NIBAN1: variants seen among roughly 807,000 people sequenced by gnomAD.
The protein encoded by NIBAN1 is niban apoptosis regulator 1, also known as protein Niban 1.
A neutral mutation model predicts 75.1 loss-of-function variants in NIBAN1; 81 were observed. The ratio of observed to expected loss-of-function variants is 1.08; its 90% CI spans 0.90 to 1.30. The LOEUF (loss-of-function observed/expected upper bound fraction) is 1.30, where lower values mean the gene tolerates loss of function less well. NIBAN1 is among the 50% of genes most tolerant of loss of function. The pLI, the probability that NIBAN1 is intolerant of heterozygous loss-of-function variation, is 0.00. For missense variants in NIBAN1, 1,133 were observed against 1,128.1 expected (o/e 1.00, Z -0.06); for synonymous variants, 436 against 424.8 (o/e 1.03, Z -0.32).
At position 184,793,671 on chromosome 1, in the gene NIBAN1, C is replaced by G. The variant is rs1356600801; in HGVS notation, c.*1306G>C. 1 of 152,208 alleles carries G rather than the reference C, an allele frequency of 6.6e-6. No homozygotes were observed. The highest frequency in any genetic ancestry group is 6.5e-5 in the Admixed American group (1 of 15,278). The allele number at this position is 152,208 out of a possible 1,614,324, so 9.4% of individuals were successfully genotyped here. On this transcript the variant is annotated 3_prime_UTR_variant, in exon 14 of 14. Transcript: ENST00000367511. The stretch of plus-strand genomic sequence containing the variant: ...TTTTCTGAAGGAGAAAAGAACAACT[C>G]CTTTTAATCTTTTGGAAGCAAGTCT...
At chr1:184,958,618 G>A (rs1309548270) in intron 1 of NIBAN1, among the ~76,000 whole-genome samples, 5 of 152,110 alleles carry the variant, frequency 3.3e-5, no homozygotes, top group African/African-American at 9.7e-5. Flanking sequence ...TTTCGTCTAA[G>A]ATATTTACTT....
intron 1 of NIBAN1, among the ~76,000 whole-genome samples, chr1:184,969,509 G>A (rs1658880549): frequency 6.6e-6 from 1 of 152,100 alleles, no homozygotes; most frequent in African/African-American, 2.4e-5. Flanking sequence ...TCGCCTAGAA[G>A]CAGGTGGCAA....
At chr1:184,835,297 T>G (rs1655108482) in intron 5 of NIBAN1, among the ~76,000 whole-genome samples, 1 of 152,242 alleles carries the variant, frequency 6.6e-6, no homozygotes, top group Non-Finnish European at 1.5e-5. Context: ...GCTTTGTTCT[T>G]TTTGCTTAGG....
At chr1:184,947,934 C>T (rs1314826924) in intron 1 of NIBAN1, among the ~76,000 whole-genome samples, 1 of 152,104 alleles carries the variant, frequency 6.6e-6, no homozygotes, top group Non-Finnish European at 1.5e-5. Context: ...TTTAAATTCC[C>T]TTCCAAAAGA....
At chr1:184,854,012 T>G (rs1655612497) in intron 5 of NIBAN1, among the ~76,000 whole-genome samples, 1 of 152,244 alleles carries the variant, frequency 6.6e-6, no homozygotes, top group Admixed American at 6.5e-5. Context: ...ATGATAATGT[T>G]TTATTTAACC....
intron 2 of NIBAN1, among the ~76,000 whole-genome samples, chr1:184,896,933 T>G (rs576453361): frequency 7.6e-4 from 115 of 152,278 alleles, no homozygotes; most frequent in African/African-American, 2.7e-3. Context: ...CCATGCTGAT[T>G]TAGTTAGTAT....
chr1:184,862,555 T>C (rs1364231503), intron 5 of NIBAN1, among the ~76,000 whole-genome samples: 1 of 152,158 alleles, frequency 6.6e-6, no homozygotes, highest in African/African-American at 2.4e-5. Flanking sequence ...AATGAACACA[T>C]TTTTTAGCAA....
chr1:184,811,622 G>T (rs1235351322), intron 9 of NIBAN1, among the ~76,000 whole-genome samples: 1 of 149,452 alleles, frequency 6.7e-6, no homozygotes, highest in Non-Finnish European at 1.5e-5. Context: ...TCTTGCCTCA[G>T]CTGGGACTAC....
Position 184,795,221 on chromosome 1 carries a change from G to A in NIBAN1, c.2543C>T (p.Ser848Phe). The change falls in exon 14 of 14, where the codon TCT (serine) becomes TTT (phenylalanine). Residue 848 changes from serine (S) to phenylalanine (F), a missense_variant. Physicochemically the swap from Ser to Phe is radical, Grantham distance 155 (BLOSUM62 -2). Transcript: ENST00000367511. ...GCTCTCACTGAGGCAGATGGGGTCA[G>A]AACCTAAGGTGCAGCCCTCTTGCTG... ...ASQQEGCTLGSDPICLSESQV... is the reference protein window; with the variant it reads ...ASQQEGCTLGFDPICLSESQV... The A allele has an allele frequency of 6.2e-7, 1 of 1,614,026 alleles. No individual in the cohort carries two copies. The highest frequency in any genetic ancestry group is 1.3e-5 in the African/African-American group (1 of 75,070).
At chr1:184,961,057 CTTTTTTTTTTTTTTTTTTTTT>C (rs1168955438) in intron 1 of NIBAN1, among the ~76,000 whole-genome samples, 3 of 57,810 alleles carry the variant, frequency 5.2e-5, no homozygotes, top group Non-Finnish European at 9.4e-5. Context: ...ATATGCCGTT[CTTTTTTTTTTTTTTTTTTTTT>C]TTTTTTTTCA....
At chr1:184,960,962 A>T (rs1023744220) in intron 1 of NIBAN1, among the ~76,000 whole-genome samples, 2 of 147,368 alleles carry the variant, frequency 1.4e-5, no homozygotes, top group Non-Finnish European at 3.0e-5. Context: ...ATCCCCTCCC[A>T]TCAAACCTCC....
chr1:184,935,382 C>T (rs1657928785), intron 1 of NIBAN1, among the ~76,000 whole-genome samples: 1 of 151,984 alleles, frequency 6.6e-6, no homozygotes, highest in Admixed American at 6.6e-5. Flanking sequence ...GTGGCAAGCA[C>T]CTGTAGTCCC....
Position 184,974,435 on chromosome 1 carries a change from C to A in NIBAN1, c.-79G>T. The A allele has an allele frequency of 6.7e-7, 1 of 1,486,854 alleles. No homozygotes were observed. Among genetic ancestry groups the A allele is most frequent in the Non-Finnish European group, 9.0e-7 (1 of 1,115,212 alleles). The allele number at this position is 1,486,854 out of a possible 1,614,324, so 92.1% of individuals were successfully genotyped here. A position where few individuals can be genotyped will look rare whatever the true frequency, so the allele number is the denominator to read the frequency against. On this transcript the variant is annotated 5_prime_UTR_variant, in exon 1 of 14. Transcript: ENST00000367511. ...TAGCTCCTGGAGGTTGATCCGACGG[C>A]GAACCCGGCTCTGAAATTAAGAGCA...
intron 5 of NIBAN1, among the ~76,000 whole-genome samples, chr1:184,832,311 G>A (rs1044905360): frequency 7.2e-5 from 11 of 152,150 alleles, no homozygotes; most frequent in Admixed American, 3.9e-4. Context: ...CAGAAAGGCC[G>A]TCCCTTAACA....
chr1:184,795,989 G>C lies in NIBAN1; in HGVS notation c.1775C>G (p.Ser592Ter), dbSNP rs747127401. 10 of 1,613,900 alleles carry C rather than the reference G, an allele frequency of 6.2e-6. No individual in the cohort carries two copies. The East Asian group carries it at 2.0e-4, about 32-fold the overall frequency. Residue 592 changes from serine (S) to a stop codon, truncating the protein, a stop_gained, in exon 14 of 14, where the codon TCA becomes TGA. Transcript: ENST00000367511. LOFTEE classifies it low-confidence loss of function (END_TRUNC). The part of the protein sequence containing the change: ...SLTDLKPPTG[S>*]NQASPARRAS... ...TCTCCTGGCAGGGCTGGCCTGGTTT[G>C]ACCCTGTGGGGGGCTTTAGATCTGT...
intron 1 of NIBAN1, among the ~76,000 whole-genome samples, chr1:184,913,658 C>T (rs114995277): frequency 0.021 from 3,160 of 152,118 alleles, 102 homozygotes; most frequent in African/African-American, 0.071. Flanking sequence ...AGGTGAAAAC[C>T]AAACCAACAT....
At chr1:184,858,496 C>T (rs2102272624) in intron 5 of NIBAN1, among the ~76,000 whole-genome samples, 1 of 151,840 alleles carries the variant, frequency 6.6e-6, no homozygotes, top group Non-Finnish European at 1.5e-5. Context: ...AAATAAAAAG[C>T]AAATTCACTT....
At chr1:184,904,875 T>A (rs1362359569) in intron 1 of NIBAN1, among the ~76,000 whole-genome samples, 3 of 151,480 alleles carry the variant, frequency 2.0e-5, no homozygotes, top group Admixed American at 6.6e-5. Context: ...CACTTGAGCC[T>A]GGGAGGCAGA....
At chr1:184,821,310 G>A (rs1001820507) in intron 8 of NIBAN1, 4 of 152,000 alleles carry the variant, frequency 2.6e-5, no homozygotes, top group African/African-American at 9.7e-5. Context: ...TTTTTTTTTA[G>A]AAATACAAAG....
Sources: allele counts gnomAD v4.1 joint callset (sites outside exome capture counted in the v4.1 genomes callset), GRCh38; gene constraint gnomAD v4.1.1; transcripts MANE v1.5; gene names NCBI Gene and HGNC (gene_info 2026-07-23, HGNC 2026-07-21).